FRYL: variants seen among roughly 807,000 people sequenced by gnomAD.
FRYL encodes protein furry homolog-like.
Under a neutral mutation model 351.2 loss-of-function variants are expected in FRYL, and 150 were observed. The observed-to-expected ratio is 0.43, with a 90% CI of 0.37 to 0.49. The LOEUF is 0.49. FRYL is among the 20% of genes least tolerant of loss of function. The pLI is 0.00. For synonymous variants in FRYL, 1,153 were observed against 1,257.1 expected (o/e 0.92, Z 1.75); for missense variants, 3,036 against 3,619.3 (o/e 0.84, Z 4.13).
At chr4:48,702,137 T>C (rs1766786402) in intron 2 of FRYL, among the ~76,000 whole-genome samples, 1 of 152,038 alleles carries the variant, frequency 6.6e-6, no homozygotes, top group Admixed American at 6.6e-5. Flanking sequence ...TCAACGTATA[T>C]CTACTGGGTT....
intron 1 of FRYL, among the ~76,000 whole-genome samples, chr4:48,723,940 AAATAAT>A (rs35636867): frequency 0.012 from 1,679 of 140,374 alleles, 28 homozygotes; most frequent in African/African-American, 0.04. Context: ...AAAATAAATA[AAATAAT>A]AATAATAATA....
intron 1 of FRYL, among the ~76,000 whole-genome samples, chr4:48,711,751 C>A (rs1173722823): frequency 6.6e-6 from 1 of 152,164 alleles, no homozygotes; most frequent in African/African-American, 2.4e-5. Flanking sequence ...TGAGAATGGG[C>A]AGACTGCCTC....
At chr4:48,636,915 A>G (rs1171359492) in intron 3 of FRYL, 1 of 152,100 alleles carries the variant, frequency 6.6e-6, no homozygotes, top group Admixed American at 6.6e-5. Context: ...AATAAACAGA[A>G]TGCTAAACAG....
At chr4:48,767,026 AT>A (rs1183472474) in intron 1 of FRYL, among the ~76,000 whole-genome samples, 1 of 147,774 alleles carries the variant, frequency 6.8e-6, no homozygotes. Context: ...TATATATAAA[AT>A]ATGTATTGTA....
chr4:48,718,161 T>A (rs1769076383), intron 1 of FRYL, among the ~76,000 whole-genome samples: 1 of 151,528 alleles, frequency 6.6e-6, no homozygotes, highest in Non-Finnish European at 1.5e-5. Context: ...GTAAATTGTG[T>A]TTATTCTAAA....
intron 2 of FRYL, among the ~76,000 whole-genome samples, chr4:48,686,925 G>C (rs1374147959): frequency 6.6e-6 from 1 of 152,130 alleles, no homozygotes; most frequent in Non-Finnish European, 1.5e-5. Context: ...CTTTTGATAA[G>C]ATAAAATAAA....
chr4:48,573,703 C>G (rs1241413465), intron 25 of FRYL, among the ~76,000 whole-genome samples: 1 of 152,104 alleles, frequency 6.6e-6, no homozygotes. Flanking sequence ...GCATGCACCA[C>G]TATGCCTGGC....
At chr4:48,726,143 T>C (rs1237668414) in intron 1 of FRYL, among the ~76,000 whole-genome samples, 1 of 152,192 alleles carries the variant, frequency 6.6e-6, no homozygotes, top group Non-Finnish European at 1.5e-5. Context: ...GGGTAGGTGG[T>C]GAGGTGGTCA....
At chr4:48,537,112 A>C (rs767696375) in intron 47 of FRYL, among the ~76,000 whole-genome samples, 44 of 152,212 alleles carry the variant, frequency 2.9e-4, no homozygotes, top group Non-Finnish European at 6.0e-4. Flanking sequence ...CATATTATTA[A>C]AAATCGCATA....
chr4:48,779,053 C>T (rs1776339972), intron 1 of FRYL, among the ~76,000 whole-genome samples: 1 of 151,100 alleles, frequency 6.6e-6, no homozygotes, highest in Non-Finnish European at 1.5e-5. Context: ...GATTAATGCT[C>T]CCATATCATT....
intron 1 of FRYL, among the ~76,000 whole-genome samples, chr4:48,749,906 G>A (rs1773071501): frequency 6.6e-6 from 1 of 152,130 alleles, no homozygotes; most frequent in African/African-American, 2.4e-5. Context: ...GTCAAAGCAG[G>A]AGGACCACTT....
intron 22 of FRYL, among the ~76,000 whole-genome samples, chr4:48,580,067 G>GT (rs1560648394): frequency 3.8e-4 from 2 of 5,224 alleles, no homozygotes; most frequent in Non-Finnish European, 8.8e-3. Flanking sequence ...TAGCATCATG[G>GT]CGGGGGGGAA....
chr4:48,578,154 C>T (rs576383840), intron 23 of FRYL, among the ~76,000 whole-genome samples: 1 of 151,574 alleles, frequency 6.6e-6, no homozygotes, highest in South Asian at 2.1e-4. Flanking sequence ...TGGAAACTAT[C>T]AACCACACTT....
intron 35 of FRYL, 100 bp downstream of exon 35, chr4:48,556,878 G>C: frequency 2.8e-6 from 3 of 1,077,488 alleles, no homozygotes; most frequent in East Asian, 5.4e-5. Context: ...CCCTTGCCTT[G>C]CCTTGCCTCT....
chr4:48,653,848 G>A lies in FRYL; in HGVS notation c.-80-19358C>T, dbSNP rs115174322. The stretch of plus-strand genomic sequence containing the variant: ...AGCAGCAGCAGAAGCAGAAGCAGCA[G>A]CAGCAGCGGTTTTGCCGTTCTGTCT... On this transcript the variant is annotated intron_variant, in intron 3 of 63. Coordinates refer to ENST00000358350, the MANE Select transcript of FRYL (RefSeq NM_015030.2). 623 of 1,287,942 alleles carry A rather than the reference G, an allele frequency of 4.8e-4. No individual in the cohort carries two copies. The African/African-American group carries it at 8.3e-3, about 17-fold the overall frequency. The allele number at this position is 1,287,942 out of a possible 1,614,324, so 79.8% of individuals were successfully genotyped here.
chr4:48,553,176 A>G, intron 36 of FRYL, 39 bp downstream of exon 36: 1 of 1,542,296 alleles, frequency 6.5e-7, no homozygotes, highest in Non-Finnish European at 8.9e-7. Context: ...GAAGATGTCT[A>G]TCATCTCACA....
In FRYL at chr4:48,672,270, T is replaced by C. The variant is rs1253776850; in HGVS notation, c.-81+12403A>G. On this transcript the variant is annotated intron_variant, in intron 3 of 63. Transcript: ENST00000358350. ...CTGGTACAGCTCAGCTTAGTCTGGA[T>C]GGAAGTGCCATCTCCTTCCTTTCTC... Among the ~76,000 whole-genome samples the C allele has an allele frequency of 2.6e-5, 4 of 152,334 alleles. No homozygotes were observed. In the South Asian group the frequency reaches 6.2e-4, roughly 24 times the overall value.
intron 2 of FRYL, among the ~76,000 whole-genome samples, chr4:48,696,838 G>A (rs1311071565): frequency 7.0e-6 from 1 of 142,734 alleles, no homozygotes; most frequent in Non-Finnish European, 1.5e-5. Flanking sequence ...GAAAAATAAC[G>A]ATAAGAGATC....
At chr4:48,745,813 A>C (rs1051577543) in intron 1 of FRYL, among the ~76,000 whole-genome samples, 14 of 152,216 alleles carry the variant, frequency 9.2e-5, no homozygotes, top group African/African-American at 2.7e-4. Context: ...TTAAGAGAGG[A>C]CAATAATTAT....
Sources: allele counts gnomAD v4.1 joint callset (sites outside exome capture counted in the v4.1 genomes callset), GRCh38; gene constraint gnomAD v4.1.1; transcripts MANE v1.5; gene names NCBI Gene and HGNC (gene_info 2026-07-23, HGNC 2026-07-21).